EYA1: variants seen among roughly 807,000 people sequenced by gnomAD.
The protein encoded by EYA1 is protein phosphatase EYA1.
Under a neutral mutation model 82.0 loss-of-function variants are expected in EYA1, and 16 were observed. That is an observed-to-expected ratio of 0.20 (90% CI 0.13 to 0.30). EYA1 has a LOEUF of 0.30. Among genes scored for constraint, EYA1 ranks in the 10% least tolerant of loss-of-function variants. The probability of loss-of-function intolerance (pLI) is 1.00; values close to 1 mark genes in which losing one functional copy is unlikely to be tolerated. For missense variants in EYA1, 633 were observed against 730.7 expected (o/e 0.87, Z 1.54); for synonymous variants, 261 against 264.4 (o/e 0.99, Z 0.12).
intron 12 of EYA1, among the ~76,000 whole-genome samples, chr8:71,235,598 G>A (rs951247216): frequency 1.2e-4 from 19 of 152,250 alleles, no homozygotes; most frequent in Admixed American, 9.2e-4. Flanking sequence ...CTGCCTGCAA[G>A]TGTTTTGTTT....
intron 4 of EYA1, among the ~76,000 whole-genome samples, chr8:71,329,531 AC>A (rs774343274): frequency 6.6e-6 from 1 of 152,082 alleles, no homozygotes; most frequent in African/African-American, 2.4e-5. Flanking sequence ...GCAGCCTCAG[AC>A]TTCCCCAGCA....
At chr8:71,543,339 G>A (rs1190972444) in intron 1 of EYA1, among the ~76,000 whole-genome samples, 1 of 152,130 alleles carries the variant, frequency 6.6e-6, no homozygotes, top group African/African-American at 2.4e-5. Context: ...GGAACTTTTT[G>A]GGGTATTGAA....
At chr8:71,220,061 C>T (rs1287267328) in intron 12 of EYA1, among the ~76,000 whole-genome samples, 1 of 152,174 alleles carries the variant, frequency 6.6e-6, no homozygotes, top group South Asian at 2.1e-4. Context: ...CCAACAGCAG[C>T]AACCTGGTTT....
intron 3 of EYA1, among the ~76,000 whole-genome samples, chr8:71,342,774 A>G (rs1586461906): frequency 6.6e-6 from 1 of 152,156 alleles, no homozygotes; most frequent in East Asian, 1.9e-4. Context: ...CCAACTACTG[A>G]GGAAGTGTAA....
chr8:71,467,890 C>T (rs1808894528), intron 2 of EYA1, among the ~76,000 whole-genome samples: 1 of 151,984 alleles, frequency 6.6e-6, no homozygotes, highest in Non-Finnish European at 1.5e-5. Flanking sequence ...TTTGAATTTT[C>T]CTTTTCTTGG....
At chr8:71,476,148 A>G (rs1005527461) in intron 2 of EYA1, among the ~76,000 whole-genome samples, 15 of 152,206 alleles carry the variant, frequency 9.9e-5, no homozygotes, top group Non-Finnish European at 1.8e-4. Flanking sequence ...ATACCTTTTA[A>G]CCATGTGATA....
intron 11 of EYA1, among the ~76,000 whole-genome samples, chr8:71,246,954 C>T (rs1340167606): frequency 1.3e-5 from 2 of 151,710 alleles, no homozygotes; most frequent in African/African-American, 4.8e-5. Flanking sequence ...CACCCACACC[C>T]TTCCAGCACC....
chr8:71,433,147 T>C (rs1321830881), intron 2 of EYA1, among the ~76,000 whole-genome samples: 1 of 152,208 alleles, frequency 6.6e-6, no homozygotes, highest in East Asian at 1.9e-4. Flanking sequence ...TTTCAACTAC[T>C]ATAGCTTCTG....
intron 9 of EYA1, among the ~76,000 whole-genome samples, chr8:71,286,596 T>C (rs568620570): frequency 3.0e-4 from 45 of 152,258 alleles, no homozygotes; most frequent in Non-Finnish European, 5.4e-4. Flanking sequence ...TTAGCTGTGC[T>C]GAGAATAGAA....
intron 16 of EYA1, among the ~76,000 whole-genome samples, chr8:71,213,641 C>T (rs1808809822): frequency 6.6e-6 from 1 of 152,158 alleles, no homozygotes; most frequent in Admixed American, 6.5e-5. Context: ...TCTCAAACTC[C>T]AGATATGTAT....
At chr8:71,367,088 T>C (rs1371669321), upstream of EYA1, among the ~76,000 whole-genome samples, 2 of 152,164 alleles carry the variant, frequency 1.3e-5, no homozygotes, top group African/African-American at 4.8e-5. Context: ...AGTGGTCAAA[T>C]CAGGAGATGT....
chr8:71,277,639 A>C (rs555819558), intron 9 of EYA1, among the ~76,000 whole-genome samples: 20 of 152,194 alleles, frequency 1.3e-4, no homozygotes, highest in Non-Finnish European at 2.6e-4. Context: ...GTGGATAATA[A>C]ATAATTTGAT....
At chr8:71,430,822 A>C (rs1159378498) in intron 2 of EYA1, among the ~76,000 whole-genome samples, 2 of 152,024 alleles carry the variant, frequency 1.3e-5, no homozygotes, top group African/African-American at 4.8e-5. Context: ...TTAAGACCAA[A>C]GCCAAAAGGT....
intron 4 of EYA1, among the ~76,000 whole-genome samples, chr8:71,331,479 TA>T (rs1425608932): frequency 1.1e-5 from 1 of 88,144 alleles, no homozygotes; most frequent in Admixed American, 1.6e-4. Flanking sequence ...TTTTTAAAAG[TA>T]TAAATGTTTT....
intron 12 of EYA1, among the ~76,000 whole-genome samples, chr8:71,234,946 G>C (rs947942179): frequency 3.3e-5 from 5 of 152,122 alleles, no homozygotes; most frequent in Admixed American, 3.3e-4. Flanking sequence ...CTTCAGAAGT[G>C]TGATCACTTT....
At chr8:71,333,122 A>T (rs1413718042) in intron 4 of EYA1, among the ~76,000 whole-genome samples, 1 of 152,204 alleles carries the variant, frequency 6.6e-6, no homozygotes, top group African/African-American at 2.4e-5. Context: ...TACACCTATG[A>T]AGTCAGCATG....
chr8:71,201,720 C>T (rs578118691), intron 17 of EYA1, among the ~76,000 whole-genome samples: 1 of 152,198 alleles, frequency 6.6e-6, no homozygotes, highest in South Asian at 2.1e-4. Flanking sequence ...ACTCATTTTA[C>T]TACTTAATCT....
intron 11 of EYA1, among the ~76,000 whole-genome samples, chr8:71,248,795 G>A (rs931639022): frequency 6.6e-6 from 1 of 152,062 alleles, no homozygotes; most frequent in South Asian, 2.1e-4. Context: ...AGTCTCATAC[G>A]AGTACAAGTC....
At chr8:71,401,801 C>A (rs1829972664) in intron 2 of EYA1, among the ~76,000 whole-genome samples, 1 of 152,232 alleles carries the variant, frequency 6.6e-6, no homozygotes, top group African/African-American at 2.4e-5. Flanking sequence ...GTTACCACTA[C>A]TACTACCACC....
Sources: allele counts gnomAD v4.1 joint callset (sites outside exome capture counted in the v4.1 genomes callset), GRCh38; gene constraint gnomAD v4.1.1; transcripts MANE v1.5; gene names NCBI Gene and HGNC (gene_info 2026-07-23, HGNC 2026-07-21).